Variants in PHLPP1 observed in about 807,000 individuals in gnomAD.
PHLPP1 encodes the protein PH domain leucine-rich repeat-containing protein phosphatase 1.
PHLPP1 carries 42 observed loss-of-function variants against 117.2 expected under a neutral mutation model. The observed-to-expected ratio is 0.36, with a 90% CI of 0.28 to 0.46. The LOEUF (loss-of-function observed/expected upper bound fraction) is 0.46. Among genes scored for constraint, PHLPP1 ranks in the 20% least tolerant of loss-of-function variants. PHLPP1 has a pLI of 1.00. For missense variants in PHLPP1, 2,084 were observed against 2,241.9 expected, an observed-to-expected ratio of 0.93 and a Z score of 1.42; for synonymous variants, 1,042 against 970.7, an observed-to-expected ratio of 1.07 and a Z score of -1.37.
At position 62,716,671 on chromosome 18, in the gene PHLPP1, G is replaced by C. The variant is rs1194095912; in HGVS notation, c.988G>C (p.Val330Leu). The C allele has an allele frequency of 2.1e-6, 3 of 1,447,432 alleles. No homozygotes were observed. Among genetic ancestry groups the C allele is most frequent in the Non-Finnish European group, 2.7e-6 (3 of 1,101,844 alleles). The allele number at this position is 1,447,432 out of a possible 1,614,324, so 89.7% of individuals were successfully genotyped here. A position where few individuals can be genotyped will look rare whatever the true frequency, so the allele number is the denominator to read the frequency against. Residue 330 changes from valine to leucine, a missense_variant, in exon 1 of 17, where the codon GTT becomes CTT. Physicochemically the swap from Val to Leu is conservative, Grantham distance 32. This residue lies in a region of PHLPP1 where 719 missense variants were observed against 636.0 expected (regional missense o/e 1.13). Transcript: ENST00000262719. This position sits in a 1 kb window ranked among gnomAD's most constrained non-coding sequence, Gnocchi z 5.7. ...PSDSSPGEPF[V>L]GGPVSSPRAP... ...GGACTCCAGCCCCGGCGAGCCGTTC[G>C]TTGGGGGCCCTGTCTCTTCGCCCCG...
In PHLPP1 at chr18:62,978,624, TC is replaced by T. The variant is rs1911275957; in HGVS notation, c.4350del (p.Ser1451GlnfsTer2). ...VPPPSPGIFP[P>X]SVNMVIKDRP... Reference sequence around the variant, plus strand: ...CACCACCCAGTCCTGGCATCTTTCCTCCCTCAGTGAACATGGTGATCAAGGA... The same window carrying T: ...CACCACCCAGTCCTGGCATCTTTCCTCCTCAGTGAACATGGTGATCAAGGA... On this transcript the variant is annotated frameshift_variant, in exon 17 of 17. Transcript: ENST00000262719. LOFTEE classifies it low-confidence loss of function (END_TRUNC). This position sits in a 1 kb window ranked among gnomAD's most constrained non-coding sequence, Gnocchi z 7.0. 6.2e-7 allele frequency: 1 copy of T among 1,613,724 alleles called. No individual in the cohort carries two copies. The highest frequency in any genetic ancestry group is 2.2e-5 in the East Asian group (1 of 44,866).
At chr18:62,754,385 T>G (rs547134942) in intron 1 of PHLPP1, among the ~76,000 whole-genome samples, 1 of 152,312 alleles carries the variant, frequency 6.6e-6, no homozygotes, top group Non-Finnish European at 1.5e-5. Flanking sequence ...CTTCTAGAGG[T>G]GTAGAGGCTG....
At chr18:62,797,778 A>G (rs1913668835) in intron 1 of PHLPP1, among the ~76,000 whole-genome samples, 1 of 152,132 alleles carries the variant, frequency 6.6e-6, no homozygotes. Context: ...TGGTACAGTG[A>G]AATTATGAGG....
intron 8 of PHLPP1, among the ~76,000 whole-genome samples, chr18:62,912,191 T>C (rs1271615316): frequency 2.1e-5 from 3 of 146,278 alleles, no homozygotes; most frequent in Admixed American, 6.8e-5. Context: ...TTGGGAGATA[T>C]ACCTAATGCT....
chr18:62,766,102 TA>T lies in PHLPP1; in HGVS notation c.1576+48847del, dbSNP rs1204266155. Among the ~76,000 whole-genome samples, 94 of 60,676 alleles carry T rather than the reference TA, an allele frequency of 1.5e-3. 2 individuals are homozygous for T. The highest frequency in any genetic ancestry group is 2.7e-3 in the Non-Finnish European group (77 of 28,646). The allele number at this position is 60,676 out of a possible 152,430, so 39.8% of individuals were successfully genotyped here. On this transcript the variant is annotated intron_variant, in intron 1 of 16. Transcript: ENST00000262719. ...ATATATATATATATATATATATATATAAAATATATATATATTTGTACAGAAA... is the reference window on the plus strand; with the variant it reads ...ATATATATATATATATATATATATATAAATATATATATATTTGTACAGAAA...
intron 1 of PHLPP1, among the ~76,000 whole-genome samples, chr18:62,751,994 T>C (rs1380078569): frequency 6.6e-6 from 1 of 152,200 alleles, no homozygotes; most frequent in Non-Finnish European, 1.5e-5. Context: ...GTAGGGGGCA[T>C]TGGAATGGTA....
chr18:62,760,502 C>T (rs980725488), intron 1 of PHLPP1, among the ~76,000 whole-genome samples: 1 of 152,170 alleles, frequency 6.6e-6, no homozygotes, highest in African/African-American at 2.4e-5. Flanking sequence ...TTTTGGCAGC[C>T]AGGTAGAATT....
intron 4 of PHLPP1, among the ~76,000 whole-genome samples, chr18:62,881,661 G>A (rs1171219477): frequency 4.6e-5 from 7 of 152,160 alleles, no homozygotes; most frequent in East Asian, 1.9e-4. Flanking sequence ...ATTAGCATCC[G>A]TGCACTGCTA....
chr18:62,759,364 A>G (rs1438041970), intron 1 of PHLPP1, among the ~76,000 whole-genome samples: 2 of 152,228 alleles, frequency 1.3e-5, no homozygotes, highest in African/African-American at 4.8e-5. Flanking sequence ...GCCTTAGGTC[A>G]GTGTGTACTT....
intron 9 of PHLPP1, among the ~76,000 whole-genome samples, chr18:62,915,803 A>G (rs1351041957): frequency 2.0e-5 from 3 of 152,190 alleles, no homozygotes; most frequent in Non-Finnish European, 4.4e-5. Context: ...GCTATTGAGC[A>G]CTTGCAATGT....
intron 4 of PHLPP1, among the ~76,000 whole-genome samples, chr18:62,872,856 G>A (rs1807901068): frequency 6.6e-6 from 1 of 151,378 alleles, no homozygotes; most frequent in South Asian, 2.1e-4. Flanking sequence ...GTGTAGTGGC[G>A]GGTACCTGTA....
At chr18:62,953,851 G>A (rs1162222871) in intron 12 of PHLPP1, among the ~76,000 whole-genome samples, 2 of 152,194 alleles carry the variant, frequency 1.3e-5, no homozygotes, top group Non-Finnish European at 2.9e-5. Flanking sequence ...GTGGACTGGG[G>A]ATAGTCTGCA....
intron 1 of PHLPP1, among the ~76,000 whole-genome samples, chr18:62,732,705 C>G (rs751060381): frequency 6.6e-6 from 1 of 152,176 alleles, no homozygotes; most frequent in Non-Finnish European, 1.5e-5. Context: ...AATTGAGAAC[C>G]TTTTGGCAAG....
chr18:62,733,894 C>T (rs116757870), intron 1 of PHLPP1, among the ~76,000 whole-genome samples: 50 of 152,280 alleles, frequency 3.3e-4, no homozygotes, highest in African/African-American at 8.9e-4. Context: ...TTAATAGTTC[C>T]AGTTGAATCC....
chr18:62,877,481 T>C (rs1312136078), intron 4 of PHLPP1, among the ~76,000 whole-genome samples: 1 of 152,082 alleles, frequency 6.6e-6, no homozygotes, highest in Non-Finnish European at 1.5e-5. Flanking sequence ...GAAGAAAGAG[T>C]AAAGCCTATG....
intron 1 of PHLPP1, among the ~76,000 whole-genome samples, chr18:62,804,680 T>G (rs1913885304): frequency 6.6e-6 from 1 of 152,018 alleles, no homozygotes; most frequent in African/African-American, 2.4e-5. Flanking sequence ...TTCTAGTCTG[T>G]GGCTTGCCTG....
Position 62,860,425 on chromosome 18 carries a change from C to G in PHLPP1, c.1900-10C>G, listed in dbSNP as rs757473861. 2 of 1,611,580 alleles carry G rather than the reference C, an allele frequency of 1.2e-6. No individual in the cohort carries two copies. The highest frequency in any genetic ancestry group is 1.7e-6 in the Non-Finnish European group (2 of 1,178,508). The stretch of plus-strand genomic sequence containing the variant: ...GGATGGTATTAAAATTAAGTTTTAT[C>G]CCCCTTTAGGTTGCATCCCAGCGCA... On this transcript the variant is annotated splice_polypyrimidine_tract_variant and intron_variant, in intron 3 of 16. Coordinates refer to ENST00000262719, the MANE Select transcript of PHLPP1 (RefSeq NM_194449.4).
chr18:62,765,063 G>A (rs1007093118), intron 1 of PHLPP1, among the ~76,000 whole-genome samples: 6 of 152,116 alleles, frequency 3.9e-5, no homozygotes, highest in Non-Finnish European at 8.8e-5. Flanking sequence ...GCTGTCTTGT[G>A]CATTTTCCTT....
intron 1 of PHLPP1, among the ~76,000 whole-genome samples, chr18:62,749,781 C>T (rs891285065): frequency 1.1e-4 from 17 of 152,124 alleles, no homozygotes; most frequent in Non-Finnish European, 2.2e-4. Context: ...TTTGGGAAGC[C>T]GAAGCGGGTG....
Sources: allele counts gnomAD v4.1 joint callset (sites outside exome capture counted in the v4.1 genomes callset), GRCh38; gene constraint gnomAD v4.1.1; regional missense constraint gnomAD v4.1.1; non-coding constraint Gnocchi (gnomAD v3.1); transcripts MANE v1.5; gene names NCBI Gene and HGNC (gene_info 2026-07-23, HGNC 2026-07-21).